ZC3H14: variants seen among roughly 807,000 people sequenced by gnomAD.
ZC3H14 encodes the protein zinc finger CCCH domain-containing protein 14.
Under a neutral mutation model 92.4 loss-of-function variants are expected in ZC3H14, and 31 were observed. That is an observed-to-expected ratio of 0.34 (90% CI 0.25 to 0.45). The LOEUF is 0.45. Ranked by LOEUF, ZC3H14 falls within the 20% of genes least tolerant of loss-of-function variation. The pLI is 1.00. For missense variants in ZC3H14, 781 were observed against 897.3 expected (o/e 0.87, Z 1.66); for synonymous variants, 321 against 300.9 (o/e 1.07, Z -0.69).
At chr14:88,564,184 A>G (rs988814628) in intron 2 of ZC3H14, among the ~76,000 whole-genome samples, 1 of 152,086 alleles carries the variant, frequency 6.6e-6, no homozygotes, top group African/African-American at 2.4e-5. Context: ...TGAATGTTTG[A>G]TGCTTTCTGG....
chr14:88,582,064 G>A (rs147245067), intron 9 of ZC3H14, among the ~76,000 whole-genome samples: 362 of 152,322 alleles, frequency 2.4e-3, no homozygotes, highest in African/African-American at 7.0e-3. Flanking sequence ...TTGAATAGTT[G>A]CAACAGACCA....
At chr14:88,594,275 G>A (rs1336705761) in intron 9 of ZC3H14, 1 of 353,056 alleles carries the variant, frequency 2.8e-6, no homozygotes, top group Admixed American at 5.8e-5. Flanking sequence ...ATGTTATATT[G>A]CTTAACCTAT....
rs142308506 is a variant in ZC3H14 at position 88,610,472 on chromosome 14, T to A, written c.2098-362T>A. Reference sequence around the variant, plus strand: ...GGTCCTTATAGATGGAATCTCTTACTCTGTTAATGGTTAGGGTGGGCTGGT... The same window carrying A: ...GGTCCTTATAGATGGAATCTCTTACACTGTTAATGGTTAGGGTGGGCTGGT... On this transcript the variant is annotated intron_variant, in intron 15 of 16. Coordinates refer to ENST00000251038, the MANE Select transcript of ZC3H14 (RefSeq NM_024824.5). Among the ~76,000 whole-genome samples, 89 of 152,222 alleles carry A rather than the reference T, an allele frequency of 5.8e-4. 1 individual carries two copies. In the East Asian group the frequency reaches 0.015, roughly 26 times the overall value.
chr14:88,627,393 C>A lies in ZC3H14; in HGVS notation c.*15642C>A. 2.1e-6 allele frequency: 1 copy of A among 482,960 alleles called. No individual in the cohort carries two copies. The highest frequency in any genetic ancestry group is 3.6e-6 in the Non-Finnish European group (1 of 274,936). 29.9% of individuals were successfully genotyped at this position (482,960 alleles called of 1,614,324 possible). A position where few individuals can be genotyped will look rare whatever the true frequency, so the allele number is the denominator to read the frequency against. The stretch of plus-strand genomic sequence containing the variant: ...TTAATAATAAATACATAGTTTCTTG[C>A]TGGAAGAAAATAGCAGTGAATCATT... On this transcript the variant is annotated 3_prime_UTR_variant, in exon 17 of 17. Transcript: ENST00000251038.
intron 1 of ZC3H14, 26 bp downstream of exon 1, chr14:88,563,195 G>T: frequency 6.2e-7 from 1 of 1,600,906 alleles, no homozygotes; most frequent in East Asian, 2.3e-5. Context: ...GTCGGGGGTG[G>T]GAAGCCAGGT....
In ZC3H14 at chr14:88,616,275, T is replaced by G; in HGVS notation, c.*4524T>G. The G allele has an allele frequency of 6.3e-7, 1 of 1,599,136 alleles. No individual in the cohort carries two copies. Among genetic ancestry groups the G allele is most frequent in the Non-Finnish European group, 8.6e-7 (1 of 1,166,686 alleles). ...ACAATGACAGACAAGCTCAGGGCAT[T>G]TGGTGCACACAGAAGTCAAAGGCTC... On this transcript the variant is annotated 3_prime_UTR_variant, in exon 17 of 17. Transcript: ENST00000251038.
Position 88,609,741 on chromosome 14 carries a change from A to G in ZC3H14, c.2035A>G (p.Ser679Gly), listed in dbSNP as rs2086234126. ...AVAPPAPPSS[S>G]QLCRYFPACK... ...TGCACCACCAGCACCACCTTCCAGTAGTCAGCTCTGCCGTTACTTCCCTGC... is the reference window on the plus strand; with the variant it reads ...TGCACCACCAGCACCACCTTCCAGTGGTCAGCTCTGCCGTTACTTCCCTGC... The change falls in exon 15 of 17, where the codon AGT (serine) becomes GGT (glycine). Residue 679 changes from serine (S) to glycine (G), a missense_variant. Physicochemically the swap from Ser to Gly is moderately conservative, Grantham distance 56. Transcript: ENST00000251038. 1.9e-6 allele frequency: 3 copies of G among 1,614,222 alleles called. No individual in the cohort carries two copies. The highest frequency in any genetic ancestry group is 2.5e-6 in the Non-Finnish European group (3 of 1,180,030).
chr14:88,578,414 G>A (rs1189028790), intron 9 of ZC3H14, among the ~76,000 whole-genome samples: 1 of 152,136 alleles, frequency 6.6e-6, no homozygotes, highest in African/African-American at 2.4e-5. Context: ...GTAGCTGGAG[G>A]TGTGTACAAG....
intron 10 of ZC3H14, among the ~76,000 whole-genome samples, chr14:88,598,449 T>C (rs1435652274): frequency 6.6e-6 from 1 of 152,168 alleles, no homozygotes; most frequent in Non-Finnish European, 1.5e-5. Flanking sequence ...TATTATGTAA[T>C]GTTTATTTAA....
At chr14:88,569,968 T>G (rs2080185501) in intron 3 of ZC3H14, among the ~76,000 whole-genome samples, 1 of 152,174 alleles carries the variant, frequency 6.6e-6, no homozygotes, top group African/African-American at 2.4e-5. Flanking sequence ...AAAAAGACTG[T>G]GGGTCTTTTG....
chr14:88,592,639 TAC>T (rs1417626154), intron 9 of ZC3H14, among the ~76,000 whole-genome samples: 1 of 151,558 alleles, frequency 6.6e-6, no homozygotes, highest in Non-Finnish European at 1.5e-5. Flanking sequence ...TAGCTGGAAT[TAC>T]AGGCATATGC....
In ZC3H14 at chr14:88,620,664, C is replaced by T. The variant is rs935984863; in HGVS notation, c.*8913C>T. On this transcript the variant is annotated 3_prime_UTR_variant, in exon 17 of 17. Coordinates refer to ENST00000251038, the MANE Select transcript of ZC3H14 (RefSeq NM_024824.5). The surrounding 1 kb of genome is among the most constrained non-coding windows in gnomAD (Gnocchi z 4.3). ...CGGGAAATGCTACAGGCCCTGGGGA[C>T]CTCTTTTTGAAGGCAAGGCTATGGA... The T allele has an allele frequency of 9.1e-7, 1 of 1,099,452 alleles. No homozygotes were observed. Among genetic ancestry groups the T allele is most frequent in the Non-Finnish European group, 1.2e-6 (1 of 815,166 alleles). The allele number at this position is 1,099,452 out of a possible 1,614,324, so 68.1% of individuals were successfully genotyped here.
At chr14:88,590,748 CTG>C (rs2083029831) in intron 9 of ZC3H14, 1 of 152,206 alleles carries the variant, frequency 6.6e-6, no homozygotes, top group African/African-American at 2.4e-5. Flanking sequence ...TCAACAGAGT[CTG>C]TCCTTTTTGA....
At chr14:88,567,111 A>G (rs1349098695) in intron 2 of ZC3H14, among the ~76,000 whole-genome samples, 2 of 14,664 alleles carry the variant, frequency 1.4e-4, no homozygotes, top group Non-Finnish European at 6.2e-4. Context: ...TCTTTTATTT[A>G]TTTTATTTAT....
In ZC3H14 at chr14:88,618,018, A is replaced by AT; in HGVS notation, c.*6267_*6268insT. On this transcript the variant is annotated 3_prime_UTR_variant, in exon 17 of 17. Transcript: ENST00000251038. ...TTAAAACTTTGATTTCCTTAAAAAA[A>AT]AAACTTGATAAATCATGGAAACTGA... 1 of 382,758 alleles carries AT rather than the reference A, an allele frequency of 2.6e-6. No individual in the cohort carries two copies. The allele number at this position is 382,758 out of a possible 1,614,324, so 23.7% of individuals were successfully genotyped here. A position where few individuals can be genotyped will look rare whatever the true frequency, so the allele number is the denominator to read the frequency against.
At position 88,616,378 on chromosome 14, in the gene ZC3H14, CTTTTCAGCA is replaced by C; in HGVS notation, c.*4629_*4637del. On this transcript the variant is annotated 3_prime_UTR_variant, in exon 17 of 17. Transcript: ENST00000251038. ...AGCACCGCAGCCAGTGATTAGAATGCTTTTCAGCATGAGTAGTGGATCTGCAAAACCAGG... is the reference window on the plus strand; with the variant it reads ...AGCACCGCAGCCAGTGATTAGAATGCTGAGTAGTGGATCTGCAAAACCAGG... The C allele has an allele frequency of 1.2e-6, 1 of 844,268 alleles. No homozygotes were observed. Among genetic ancestry groups the C allele is most frequent in the East Asian group, 2.6e-5 (1 of 38,994 alleles). The allele number at this position is 844,268 out of a possible 1,614,324, so 52.3% of individuals were successfully genotyped here. A position where few individuals can be genotyped will look rare whatever the true frequency, so the allele number is the denominator to read the frequency against.
At chr14:88,584,437 T>G (rs2082253966) in intron 9 of ZC3H14, among the ~76,000 whole-genome samples, 1 of 152,230 alleles carries the variant, frequency 6.6e-6, no homozygotes, top group South Asian at 2.1e-4. Flanking sequence ...TACACATCTA[T>G]TATGAAGTTT....
At position 88,617,000 on chromosome 14, in the gene ZC3H14, T is replaced by C; in HGVS notation, c.*5249T>C. 2 of 846,836 alleles carry C rather than the reference T, an allele frequency of 2.4e-6. No individual in the cohort carries two copies. The highest frequency in any genetic ancestry group is 2.7e-5 in the Admixed American group (1 of 37,612). The allele number at this position is 846,836 out of a possible 1,614,324, so 52.5% of individuals were successfully genotyped here. ...ATCATGTTACTTAAAATACAGGAAG[T>C]AAATTATGGTAAGTTGTTTGGAGAC... On this transcript the variant is annotated 3_prime_UTR_variant, in exon 17 of 17. Coordinates refer to ENST00000251038, the MANE Select transcript of ZC3H14 (RefSeq NM_024824.5).
chr14:88,595,008 A>G, intron 9 of ZC3H14: 1 of 1,613,872 alleles, frequency 6.2e-7, no homozygotes, highest in Non-Finnish European at 8.5e-7. Flanking sequence ...ATTCAACAAC[A>G]TATGAATGCA....
Sources: allele counts gnomAD v4.1 joint callset (sites outside exome capture counted in the v4.1 genomes callset), GRCh38; gene constraint gnomAD v4.1.1; non-coding constraint Gnocchi (gnomAD v3.1); transcripts MANE v1.5; gene names NCBI Gene and HGNC (gene_info 2026-07-23, HGNC 2026-07-21).